The following DNAH7 variants were observed in gnomAD, a reference collection of about 807,000 sequenced individuals.
DNAH7 encodes axonemal beta dynein heavy chain 7.
In DNAH7, 397 loss-of-function variants were observed where a neutral mutation model predicts 444.6. That is an observed-to-expected ratio of 0.89 (90% CI 0.82 to 0.97). The LOEUF (loss-of-function observed/expected upper bound fraction) is 0.97, where lower values mean the gene tolerates loss of function less well. DNAH7 is among the 50% of genes least tolerant of loss of function. The probability of loss-of-function intolerance (pLI) is 0.00; values close to 1 mark genes in which losing one functional copy is unlikely to be tolerated. For synonymous variants in DNAH7, 1,636 were observed against 1,624.4 expected (o/e 1.01, Z -0.17); for missense variants, 4,902 against 4,800.8 (o/e 1.02, Z -0.62).
chr2:195,847,287 T>C (rs1026274132), intron 46 of DNAH7, among the ~76,000 whole-genome samples: 2 of 151,602 alleles, frequency 1.3e-5, no homozygotes, highest in Admixed American at 6.6e-5. Context: ...ATGGTACATA[T>C]ACACCATGGA....
rs959638730 is a variant in DNAH7 at position 196,023,153 on chromosome 2, G to A, written c.743+1276C>T. Reference sequence around the variant, plus strand: ...GCATCATCCTCTTGGCACTATCCTCGCAATGGTAAGTTCTCATGAGATCTG... The same window carrying A: ...GCATCATCCTCTTGGCACTATCCTCACAATGGTAAGTTCTCATGAGATCTG... On this transcript the variant is annotated intron_variant, in intron 8 of 64. Coordinates refer to ENST00000312428, the MANE Select transcript of DNAH7 (RefSeq NM_018897.3). Among the ~76,000 whole-genome samples the A allele has an allele frequency of 7.2e-5, 11 of 152,194 alleles. No individual in the cohort carries two copies. In the East Asian group the frequency reaches 1.4e-3, roughly 19 times the overall value.
At chr2:195,752,116 G>T (rs959756978) in intron 63 of DNAH7, among the ~76,000 whole-genome samples, 8 of 151,924 alleles carry the variant, frequency 5.3e-5, no homozygotes, top group Non-Finnish European at 2.9e-5. Flanking sequence ...ACAAAAAAAT[G>T]AAAAAATTAG....
intron 61 of DNAH7, among the ~76,000 whole-genome samples, chr2:195,758,610 T>C (rs185051973): frequency 9.2e-5 from 14 of 152,166 alleles, no homozygotes; most frequent in African/African-American, 3.4e-4. Context: ...CAGTACCCAG[T>C]TTTAACTTTA....
At chr2:196,051,105 G>C (rs1393644551) in intron 3 of DNAH7, 82 bp downstream of exon 3, 5 of 1,221,162 alleles carry the variant, frequency 4.1e-6, no homozygotes, top group Non-Finnish European at 6.0e-6. Flanking sequence ...GCAGGAATTT[G>C]CTTACTTATT....
chr2:195,851,461 T>C (rs1409640688), intron 46 of DNAH7, among the ~76,000 whole-genome samples: 1 of 152,354 alleles, frequency 6.6e-6, no homozygotes, highest in South Asian at 2.1e-4. Context: ...GAAGGCACTC[T>C]GAGCTTTGGC....
chr2:196,058,039 A>G lies in DNAH7; in HGVS notation c.78+15T>C. The stretch of plus-strand genomic sequence containing the variant: ...TCATAAAGGAATGAAGTATGATGGT[A>G]TATTGGTAAATTACCATAGACAGCT... On this transcript the variant is annotated intron_variant, in intron 2 of 64. Transcript: ENST00000312428. 1.3e-6 allele frequency: 2 copies of G among 1,494,176 alleles called. No individual in the cohort carries two copies. The highest frequency in any genetic ancestry group is 1.8e-6 in the Non-Finnish European group (2 of 1,117,922). The allele number at this position is 1,494,176 out of a possible 1,614,324, so 92.6% of individuals were successfully genotyped here.
intron 63 of DNAH7, among the ~76,000 whole-genome samples, chr2:195,746,813 A>G (rs1693442813): frequency 6.6e-6 from 1 of 152,184 alleles, no homozygotes; most frequent in South Asian, 2.1e-4. Flanking sequence ...ACAAAGACAC[A>G]ACATACCAGA....
intron 1 of DNAH7, among the ~76,000 whole-genome samples, chr2:196,059,719 T>C (rs745816288): frequency 3.3e-5 from 5 of 152,132 alleles, no homozygotes; most frequent in Non-Finnish European, 7.4e-5. Flanking sequence ...AGAGGGAGAC[T>C]TCCTTGCAAA....
At chr2:195,778,681 CATATATATACACAT>C (rs1160794474) in intron 58 of DNAH7, among the ~76,000 whole-genome samples, 58 of 96,136 alleles carry the variant, frequency 6.0e-4, no homozygotes, top group South Asian at 1.1e-3. Flanking sequence ...CACACACACA[CATATATATACACAT>C]ATATATATAC....
intron 12 of DNAH7, among the ~76,000 whole-genome samples, chr2:195,989,967 C>CTT (rs1296283052): frequency 6.6e-6 from 1 of 152,184 alleles, no homozygotes; most frequent in Non-Finnish European, 1.5e-5. Flanking sequence ...TCAGGTATCT[C>CTT]TTTATAGCGA....
At chr2:196,010,973 A>G (rs534194587) in intron 10 of DNAH7, among the ~76,000 whole-genome samples, 1 of 152,156 alleles carries the variant, frequency 6.6e-6, no homozygotes, top group Non-Finnish European at 1.5e-5. Flanking sequence ...GGAGGTTGTA[A>G]GTAGAATGGC....
intron 63 of DNAH7, among the ~76,000 whole-genome samples, chr2:195,753,638 T>C (rs1016382972): frequency 4.6e-5 from 7 of 152,208 alleles, no homozygotes; most frequent in Admixed American, 4.6e-4. Context: ...ATGTCATTTA[T>C]ATAAAGACAA....
rs1158098271 is a variant in DNAH7 at position 195,816,978 on chromosome 2, A to C, written c.9426-15T>G. 1.3e-6 allele frequency: 2 copies of C among 1,538,818 alleles called. No individual in the cohort carries two copies. The highest frequency in any genetic ancestry group is 1.7e-6 in the Non-Finnish European group (2 of 1,143,752). ...CTTTTAACTGCCTGGAATAAAACAA[A>C]ATTTTCTTAGAAGAAAAAGAAGTCA... On this transcript the variant is annotated splice_polypyrimidine_tract_variant and intron_variant, in intron 50 of 64. Coordinates refer to ENST00000312428, the MANE Select transcript of DNAH7 (RefSeq NM_018897.3).
chr2:195,976,695 C>G (rs367968159), intron 15 of DNAH7, among the ~76,000 whole-genome samples: 129 of 149,146 alleles, frequency 8.6e-4, no homozygotes, highest in African/African-American at 3.1e-3. Context: ...TTTGTGTCAC[C>G]CCTCCCCCAG....
intron 9 of DNAH7, among the ~76,000 whole-genome samples, chr2:196,018,662 A>G (rs966275608): frequency 3.9e-5 from 6 of 152,180 alleles, no homozygotes; most frequent in African/African-American, 1.4e-4. Context: ...GACGTGCTGA[A>G]GAATGCATCA....
At chr2:195,924,759 T>C (rs969540122) in intron 22 of DNAH7, among the ~76,000 whole-genome samples, 1 of 152,190 alleles carries the variant, frequency 6.6e-6, no homozygotes, top group African/African-American at 2.4e-5. Context: ...AAGATGCTAA[T>C]AAACAAAACA....
At chr2:195,969,709 G>A (rs1047628287) in intron 17 of DNAH7, among the ~76,000 whole-genome samples, 1 of 152,104 alleles carries the variant, frequency 6.6e-6, no homozygotes, top group South Asian at 2.1e-4. Flanking sequence ...TTAAAAAGAA[G>A]ACTGAGATAT....
chr2:195,778,307 A>G (rs968516150), intron 58 of DNAH7, among the ~76,000 whole-genome samples: 15 of 151,968 alleles, frequency 9.9e-5, no homozygotes, highest in South Asian at 2.1e-4. Flanking sequence ...ATCTATGAAA[A>G]CTTTGCACAG....
chr2:196,010,263 C>T (rs1185001556), intron 10 of DNAH7, among the ~76,000 whole-genome samples: 1 of 152,006 alleles, frequency 6.6e-6, no homozygotes, highest in Admixed American at 6.6e-5. Flanking sequence ...GATTCTTCCA[C>T]CTCAGCTTCC....
Sources: gnomAD v4.1 joint callset for allele counts (sites outside exome capture counted in the v4.1 genomes callset) on GRCh38, gnomAD v4.1.1 for gene constraint, MANE v1.5 for transcripts, NCBI Gene and HGNC (gene_info 2026-07-23, HGNC 2026-07-21) for gene names.